The following C2CD3 variants were observed in gnomAD, a reference collection of about 807,000 sequenced individuals.
C2CD3 encodes C2 domain-containing protein 3.
C2CD3 carries 148 observed loss-of-function variants against 234.0 expected under a neutral mutation model. That is an observed-to-expected ratio of 0.63 (90% CI 0.55 to 0.72). The LOEUF (loss-of-function observed/expected upper bound fraction) is 0.72, where lower values mean the gene tolerates loss of function less well. C2CD3 is among the 30% of genes least tolerant of loss of function. The probability of loss-of-function intolerance (pLI) is 0.00; values close to 1 mark genes in which losing one functional copy is unlikely to be tolerated. For synonymous variants in C2CD3, 1,000 were observed against 1,035.4 expected (o/e 0.97, Z 0.66); for missense variants, 2,577 against 2,811.5 (o/e 0.92, Z 1.89).
chr11:74,117,100 GAATATATATATA>G lies in C2CD3; in HGVS notation c.1520+1116_1520+1127del, dbSNP rs1957019687. On this transcript the variant is annotated intron_variant, in intron 9 of 32. Coordinates refer to ENST00000334126, the MANE Select transcript of C2CD3 (RefSeq NM_001286577.2). Reference sequence around the variant, plus strand: ...AATATATATATGAATATATATATATGAATATATATATATGAATATATATATATGAATATATAT... The same window carrying G: ...AATATATATATGAATATATATATATGTGAATATATATATATGAATATATAT... 1.5e-4 allele frequency among the ~76,000 whole-genome samples: 6 copies of G among 38,824 alleles called. 1 individual carries two copies. Among genetic ancestry groups the G allele is most frequent in the African/African-American group, 3.0e-4 (2 of 6,678 alleles). The allele number at this position is 38,824 out of a possible 152,430, so 25.5% of individuals were successfully genotyped here.
chr11:74,143,320 C>A (rs1293390330), intron 3 of C2CD3, among the ~76,000 whole-genome samples: 1 of 151,972 alleles, frequency 6.6e-6, no homozygotes, highest in Non-Finnish European at 1.5e-5. Flanking sequence ...GTCAATGCAG[C>A]ATTTTTTAAA....
intron 32 of C2CD3, among the ~76,000 whole-genome samples, chr11:74,015,959 C>A (rs975165083): frequency 5.9e-5 from 9 of 151,678 alleles, no homozygotes; most frequent in Non-Finnish European, 4.4e-5. Context: ...CACCTGTGGT[C>A]CCAGCTACTC....
Position 74,161,472 on chromosome 11 carries a change from A to C in C2CD3, c.410T>G (p.Leu137Arg), listed in dbSNP as rs777400651. ...TCCATTGATTTGATGGGTTGGAGAA[A>C]GTTGAGCTAGTCCATTGATCTGAAC... ...GRVQINGLAQ[L>R]SPTHQINGFF... is the part of the protein sequence containing the mutation. Residue 137 changes from leucine (L) to arginine (R), a missense_variant, in exon 3 of 33, where the codon CTT becomes CGT. Coordinates refer to ENST00000334126, the MANE Select transcript of C2CD3 (RefSeq NM_001286577.2). 15 of 1,598,962 alleles carry C rather than the reference A, an allele frequency of 9.4e-6. No individual in the cohort carries two copies. Among genetic ancestry groups the C allele is most frequent in the Non-Finnish European group, 1.2e-5 (14 of 1,171,148 alleles).
In C2CD3 at chr11:74,078,149, A is replaced by G. The variant is rs759426506; in HGVS notation, c.4569T>C (p.Leu1523=). 3.1e-6 allele frequency: 5 copies of G among 1,613,734 alleles called. No individual in the cohort carries two copies. In the African/African-American group the frequency reaches 5.3e-5, roughly 17 times the overall value. The change falls in exon 23 of 33, where the codon CTT becomes CTC. Residue 1523 remains leucine (L), a synonymous_variant. Coordinates refer to ENST00000334126, the MANE Select transcript of C2CD3 (RefSeq NM_001286577.2). ...TTAGCGTCCTCGCTGACCTCTCCCC[A>G]AGTCTGGCCAGGTCCACATAGGCTG... ...IGSAYVDLAR[L]GERSARTLTV...
chr11:74,144,696 G>T (rs533743319), intron 3 of C2CD3, among the ~76,000 whole-genome samples: 11 of 152,188 alleles, frequency 7.2e-5, no homozygotes, highest in African/African-American at 2.6e-4. Context: ...AAGTGAGAAC[G>T]TGTGGTGCTT....
intron 15 of C2CD3, among the ~76,000 whole-genome samples, chr11:74,100,111 GAGGTGGTAACTTTTGAC>G (rs1218913660): frequency 6.6e-6 from 1 of 152,182 alleles, no homozygotes; most frequent in Non-Finnish European, 1.5e-5. Context: ...CACCTTTTGA[GAGGTGGTAACTTTTGAC>G]AATAGAGTTT....
chr11:74,132,217 A>T (rs1225860029), intron 7 of C2CD3, among the ~76,000 whole-genome samples: 1 of 152,100 alleles, frequency 6.6e-6, no homozygotes, highest in African/African-American at 2.4e-5. Flanking sequence ...CAAAAGTGGT[A>T]CTGCATGCCT....
intron 32 of C2CD3, among the ~76,000 whole-genome samples, chr11:74,026,724 C>T (rs1321989325): frequency 6.6e-6 from 1 of 152,066 alleles, no homozygotes; most frequent in Non-Finnish European, 1.5e-5. Flanking sequence ...AATCCCAGCA[C>T]TTTGGGAGGC....
chr11:74,091,038 C>T (rs1428505408), intron 19 of C2CD3, 102 bp from the exon 20 acceptor site: 25 of 1,164,700 alleles, frequency 2.1e-5, no homozygotes, highest in Non-Finnish European at 2.8e-5. Flanking sequence ...ATTAACACTA[C>T]AACGAACAAT....
intron 32 of C2CD3, among the ~76,000 whole-genome samples, chr11:74,013,925 T>G (rs747168321): frequency 2.6e-5 from 4 of 152,170 alleles, no homozygotes; most frequent in Non-Finnish European, 4.4e-5. Context: ...TTTAGTCCCA[T>G]GTGTGATGCT....
chr11:74,063,076 C>T (rs1954326561), intron 24 of C2CD3, among the ~76,000 whole-genome samples: 1 of 152,148 alleles, frequency 6.6e-6, no homozygotes, highest in Admixed American at 6.5e-5. Context: ...CAAGACTAAA[C>T]CAGGAAGAAG....
rs762463131 is a variant in C2CD3 at position 74,118,364 on chromosome 11, T to G, written c.1384A>C (p.Ser462Arg). 2 of 1,613,042 alleles carry G rather than the reference T, an allele frequency of 1.2e-6. No homozygotes were observed. Among genetic ancestry groups the G allele is most frequent in the South Asian group, 1.1e-5 (1 of 91,000 alleles). Residue 462 changes from serine to arginine, a missense_variant, in exon 9 of 33, where the codon AGT becomes CGT. Coordinates refer to ENST00000334126, the MANE Select transcript of C2CD3 (RefSeq NM_001286577.2). ...YTAPKSDTSI[S>R]DFLSEEDDIV... The stretch of plus-strand genomic sequence containing the variant: ...TCATCCTCTTCACTGAGGAAATCAC[T>G]GATGCTGGTATCAGATTTCTATGGA...
chr11:74,123,903 TA>T (rs2135525150), intron 7 of C2CD3, among the ~76,000 whole-genome samples: 1 of 152,268 alleles, frequency 6.6e-6, no homozygotes, highest in Non-Finnish European at 1.5e-5. Context: ...CATGCCTGGC[TA>T]ATTTTTGTAT....
chr11:74,056,608 G>C (rs1953959374), intron 25 of C2CD3, among the ~76,000 whole-genome samples: 1 of 152,210 alleles, frequency 6.6e-6, no homozygotes, highest in Non-Finnish European at 1.5e-5. Flanking sequence ...CACACAGTCA[G>C]TAAATTACAG....
intron 32 of C2CD3, among the ~76,000 whole-genome samples, chr11:74,021,499 G>T (rs1226299862): frequency 6.6e-6 from 1 of 152,172 alleles, no homozygotes; most frequent in African/African-American, 2.4e-5. Context: ...GCATATAGAA[G>T]AAGAAGTAGG....
chr11:74,148,727 C>T (rs184227162), intron 3 of C2CD3, among the ~76,000 whole-genome samples: 1 of 152,226 alleles, frequency 6.6e-6, no homozygotes, highest in Admixed American at 6.5e-5. Context: ...CCTGATCTTC[C>T]CCTTCACAGC....
chr11:74,161,605 T>A (rs371795706), intron 2 of C2CD3, 49 bp from the exon 3 acceptor site: 71 of 1,411,082 alleles, frequency 5.0e-5, no homozygotes, highest in Non-Finnish European at 6.4e-5. Context: ...ACTTTTATTT[T>A]CTTTTTTAAG....
At chr11:74,096,430 T>C (rs1430539599) in intron 16 of C2CD3, among the ~76,000 whole-genome samples, 6 of 152,070 alleles carry the variant, frequency 3.9e-5, no homozygotes, top group East Asian at 1.9e-4. Flanking sequence ...TGCTCAAAAA[T>C]TTTCCTTAGA....
chr11:74,038,279 T>C (rs1041137610), intron 29 of C2CD3, among the ~76,000 whole-genome samples: 4 of 152,226 alleles, frequency 2.6e-5, no homozygotes, highest in Non-Finnish European at 5.9e-5. Context: ...AAAAGAATGC[T>C]GGATGGATAA....
Sources: allele counts gnomAD v4.1 joint callset (sites outside exome capture counted in the v4.1 genomes callset), GRCh38; gene constraint gnomAD v4.1.1; transcripts MANE v1.5; gene names NCBI Gene and HGNC (gene_info 2026-07-23, HGNC 2026-07-21).